The following TAFA1 variants were observed in gnomAD, a reference collection of about 807,000 sequenced individuals.
TAFA1 encodes the protein TAFA chemokine like family member 1.
Under a neutral mutation model 18.5 loss-of-function variants are expected in TAFA1, and 4 were observed. The ratio of observed to expected loss-of-function variants is 0.22; its 90% CI spans 0.11 to 0.49. The LOEUF (loss-of-function observed/expected upper bound fraction) is 0.49. Ranked by LOEUF, TAFA1 falls within the 20% of genes least tolerant of loss-of-function variation. TAFA1 has a pLI of 0.98. For missense variants in TAFA1, 147 were observed against 169.0 expected (o/e 0.87, Z 0.72); for synonymous variants, 56 against 55.2 (o/e 1.01, Z -0.06).
chr3:68,097,741 G>T (rs561532188), intron 2 of TAFA1, among the ~76,000 whole-genome samples: 7 of 152,254 alleles, frequency 4.6e-5, no homozygotes, highest in African/African-American at 1.7e-4. Flanking sequence ...TGTTGAATGA[G>T]TGTATGCACA....
chr3:68,535,090 A>G (rs896038645), intron 3 of TAFA1, among the ~76,000 whole-genome samples: 2 of 152,164 alleles, frequency 1.3e-5, no homozygotes, highest in Non-Finnish European at 2.9e-5. Flanking sequence ...TTAAGTGGAT[A>G]AGCATCAGAA....
At chr3:68,185,930 T>C (rs545875635) in intron 2 of TAFA1, among the ~76,000 whole-genome samples, 2 of 149,164 alleles carry the variant, frequency 1.3e-5, no homozygotes, top group Admixed American at 6.6e-5. Flanking sequence ...AATAAATAAA[T>C]AAATAGGAAA....
intron 2 of TAFA1, chr3:68,145,003 G>A: frequency 6.4e-7 from 1 of 1,565,212 alleles, no homozygotes. Context: ...CGGCCGTGAA[G>A]ATGCCAGTGG....
chr3:68,345,379 C>T (rs1447524795), intron 2 of TAFA1, among the ~76,000 whole-genome samples: 2 of 152,184 alleles, frequency 1.3e-5, no homozygotes, highest in Admixed American at 6.5e-5. Flanking sequence ...CTGTAGCTAT[C>T]ATCCTTGCAG....
At chr3:68,427,168 A>G (rs1042220569) in intron 3 of TAFA1, among the ~76,000 whole-genome samples, 2 of 151,888 alleles carry the variant, frequency 1.3e-5, no homozygotes, top group Non-Finnish European at 2.9e-5. Flanking sequence ...TCCCCAAAGT[A>G]GCCCCCAAGT....
chr3:68,267,562 T>C (rs1320808682), intron 2 of TAFA1, among the ~76,000 whole-genome samples: 1 of 152,154 alleles, frequency 6.6e-6, no homozygotes, highest in Non-Finnish European at 1.5e-5. Context: ...TTCAAGTAAA[T>C]TTGTGCAGGG....
chr3:68,333,206 T>C (rs2068911612), intron 2 of TAFA1, among the ~76,000 whole-genome samples: 1 of 152,208 alleles, frequency 6.6e-6, no homozygotes. Flanking sequence ...TACATGTGTA[T>C]GTTTTTCACA....
At chr3:68,243,485 G>C (rs1237447526) in intron 2 of TAFA1, among the ~76,000 whole-genome samples, 1 of 151,982 alleles carries the variant, frequency 6.6e-6, no homozygotes, top group Non-Finnish European at 1.5e-5. Flanking sequence ...CCTCTGCCCT[G>C]CCCATCACAA....
intron 2 of TAFA1, among the ~76,000 whole-genome samples, chr3:68,264,883 A>G (rs1173879794): frequency 6.6e-6 from 1 of 152,148 alleles, no homozygotes; most frequent in Non-Finnish European, 1.5e-5. Context: ...ATCTGAGAAG[A>G]CAGAGATGGT....
intron 2 of TAFA1, among the ~76,000 whole-genome samples, chr3:68,116,142 C>G (rs1240127270): frequency 1.3e-5 from 2 of 152,114 alleles, no homozygotes; most frequent in African/African-American, 2.4e-5. Context: ...GTAGTCCCAG[C>G]TACTCGGGAG....
At chr3:68,396,603 G>A (rs923848738) in intron 2 of TAFA1, among the ~76,000 whole-genome samples, 2 of 152,098 alleles carry the variant, frequency 1.3e-5, no homozygotes, top group African/African-American at 4.8e-5. Flanking sequence ...CCACAATTTA[G>A]TTTTGCTATT....
intron 3 of TAFA1, among the ~76,000 whole-genome samples, chr3:68,426,981 C>A (rs1447857526): frequency 6.6e-6 from 1 of 151,686 alleles, no homozygotes; most frequent in Non-Finnish European, 1.5e-5. Flanking sequence ...CATTGTAAAG[C>A]CCATCTATAT....
At chr3:68,493,266 A>C (rs2106686927) in intron 3 of TAFA1, among the ~76,000 whole-genome samples, 1 of 152,290 alleles carries the variant, frequency 6.6e-6, no homozygotes, top group African/African-American at 2.4e-5. Context: ...TGTCTGGCTT[A>C]TTTCACTTAG....
chr3:68,155,478 G>T (rs2065857529), intron 2 of TAFA1, among the ~76,000 whole-genome samples: 1 of 152,102 alleles, frequency 6.6e-6, no homozygotes, highest in African/African-American at 2.4e-5. Flanking sequence ...GATATCGCCT[G>T]CCCCGTTATT....
intron 2 of TAFA1, among the ~76,000 whole-genome samples, chr3:68,071,765 G>T (rs181213358): frequency 6.3e-4 from 96 of 152,276 alleles, no homozygotes; most frequent in Non-Finnish European, 2.1e-4. Context: ...GATGGCAACT[G>T]CTCGGCTTCT....
rs2073215451 is a variant in TAFA1 at position 68,533,138 on chromosome 3, T to C, written c.260-5618T>C. Among the ~76,000 whole-genome samples the C allele has an allele frequency of 2.0e-5, 3 of 151,210 alleles. No individual in the cohort carries two copies. In the South Asian group the frequency reaches 6.3e-4, roughly 32 times the overall value. On this transcript the variant is annotated intron_variant, in intron 3 of 4. Transcript: ENST00000478136. ...AGTAAGGTGAGCGGTCGCATCCTTATGATGCTGTATTAGTCCGTTTTCACA... is the reference window on the plus strand; with the variant it reads ...AGTAAGGTGAGCGGTCGCATCCTTACGATGCTGTATTAGTCCGTTTTCACA...
intron 2 of TAFA1, among the ~76,000 whole-genome samples, chr3:68,354,927 C>T (rs770809865): frequency 1.3e-4 from 19 of 151,990 alleles, no homozygotes; most frequent in Non-Finnish European, 2.1e-4. Flanking sequence ...CCTCTCAATA[C>T]TGTTGTATTG....
intron 2 of TAFA1, among the ~76,000 whole-genome samples, chr3:68,101,519 T>C: frequency 6.6e-6 from 1 of 152,138 alleles, no homozygotes. Flanking sequence ...AATGATGAGT[T>C]CATGTCCTTT....
chr3:68,147,169 T>C (rs959705600), intron 2 of TAFA1, among the ~76,000 whole-genome samples: 9 of 152,038 alleles, frequency 5.9e-5, no homozygotes, highest in Admixed American at 5.2e-4. Context: ...GCCAGGAGCA[T>C]ACCCTTGTTA....
Sources: allele counts gnomAD v4.1 joint callset (sites outside exome capture counted in the v4.1 genomes callset), GRCh38; gene constraint gnomAD v4.1.1; transcripts MANE v1.5; gene names NCBI Gene and HGNC (gene_info 2026-07-23, HGNC 2026-07-21).